BAZ2B: variants seen among roughly 807,000 people sequenced by gnomAD.
BAZ2B encodes the protein bromodomain adjacent to zinc finger domain 2B.
Under a neutral mutation model 246.0 loss-of-function variants are expected in BAZ2B, and 91 were observed. The observed-to-expected ratio is 0.37, with a 90% CI of 0.31 to 0.44. The LOEUF (loss-of-function observed/expected upper bound fraction) is 0.44, where lower values mean the gene tolerates loss of function less well. BAZ2B is among the 20% of genes least tolerant of loss of function. The pLI is 1.00. For synonymous variants in BAZ2B, 855 were observed against 860.0 expected, an observed-to-expected ratio of 0.99 and a Z score of 0.10; for missense variants, 2,332 against 2,533.7, an observed-to-expected ratio of 0.92 and a Z score of 1.71.
chr2:159,527,441 T>C (rs2084882627), intron 2 of BAZ2B, among the ~76,000 whole-genome samples: 1 of 150,626 alleles, frequency 6.6e-6, no homozygotes, highest in South Asian at 2.1e-4. Flanking sequence ...GCAAAGCAAA[T>C]GTTTTTAATT....
chr2:159,343,892 G>A (rs1280592235), intron 31 of BAZ2B, among the ~76,000 whole-genome samples: 1 of 151,820 alleles, frequency 6.6e-6, no homozygotes, highest in Non-Finnish European at 1.5e-5. Flanking sequence ...TGGGTGTGGT[G>A]GTGGGCGCCT....
chr2:159,654,343 T>C, the BAZ2B span, among the ~76,000 whole-genome samples: 2 of 152,222 alleles, frequency 1.3e-5, no homozygotes, highest in African/African-American at 4.8e-5. Flanking sequence ...ATATATATGT[T>C]GGTAGTAGAC....
At chr2:159,614,567 G>A (rs1461917700) in intron 1 of BAZ2B, among the ~76,000 whole-genome samples, 2 of 151,786 alleles carry the variant, frequency 1.3e-5, no homozygotes, top group African/African-American at 4.8e-5. Context: ...ATAAGGGAGA[G>A]TGGAGCAAAT....
At chr2:159,677,022 A>G in the BAZ2B span, among the ~76,000 whole-genome samples, 1 of 146,320 alleles carries the variant, frequency 6.8e-6, no homozygotes, top group African/African-American at 2.5e-5. Context: ...TGAGTTGTCA[A>G]TTAAAATAAA....
intron 36 of BAZ2B, among the ~76,000 whole-genome samples, chr2:159,323,541 G>A (rs1052727533): frequency 1.3e-5 from 2 of 151,674 alleles, no homozygotes; most frequent in African/African-American, 2.4e-5. Flanking sequence ...GGTGGTTCAC[G>A]CCTGTAATCC....
chr2:159,554,601 CA>C (rs953084173), intron 2 of BAZ2B, among the ~76,000 whole-genome samples: 136 of 143,652 alleles, frequency 9.5e-4, no homozygotes, highest in African/African-American at 2.7e-3. Context: ...AACCAGTTTT[CA>C]AAAAAAAAAG....
At chr2:159,564,582 T>C (rs2090181101) in intron 1 of BAZ2B, among the ~76,000 whole-genome samples, 2 of 152,156 alleles carry the variant, frequency 1.3e-5, no homozygotes, top group African/African-American at 4.8e-5. Flanking sequence ...GATATTTGAT[T>C]GCTGATGACT....
At chr2:159,358,988 G>A (rs2059401719) in intron 27 of BAZ2B, among the ~76,000 whole-genome samples, 4 of 152,208 alleles carry the variant, frequency 2.6e-5, no homozygotes, top group Non-Finnish European at 5.9e-5. Flanking sequence ...AGCACTAAAT[G>A]CCTGCAACAG....
At chr2:159,660,428 G>A in the BAZ2B span, among the ~76,000 whole-genome samples, 8 of 152,078 alleles carry the variant, frequency 5.3e-5, no homozygotes, top group Non-Finnish European at 1.2e-4. Flanking sequence ...ATTAATCTGT[G>A]ACTTCTTCTG....
chr2:159,701,104 C>G, the BAZ2B span, among the ~76,000 whole-genome samples: 1 of 152,086 alleles, frequency 6.6e-6, no homozygotes, highest in Non-Finnish European at 1.5e-5. Context: ...AATGCTTGGT[C>G]TCTCATAAAA....
chr2:159,428,272 T>C (rs2070373116), intron 12 of BAZ2B, 39 bp downstream of exon 12: 1 of 1,524,770 alleles, frequency 6.6e-7, no homozygotes, highest in East Asian at 2.3e-5. Context: ...TCATGCTTAA[T>C]AGGCACCAAA....
intron 6 of BAZ2B, among the ~76,000 whole-genome samples, chr2:159,441,644 T>A (rs977084241): frequency 1.4e-5 from 2 of 140,702 alleles, no homozygotes; most frequent in African/African-American, 4.9e-5. Context: ...ACAAATTTTT[T>A]AAATTTAAAA....
intron 1 of BAZ2B, among the ~76,000 whole-genome samples, chr2:159,569,271 A>G (rs561507965): frequency 6.6e-6 from 1 of 152,210 alleles, no homozygotes; most frequent in Admixed American, 6.5e-5. Flanking sequence ...ATGGCTACCC[A>G]CAGTCTCTGA....
At chr2:159,486,270 G>C (rs1200823538) in intron 2 of BAZ2B, among the ~76,000 whole-genome samples, 3 of 151,900 alleles carry the variant, frequency 2.0e-5, no homozygotes, top group Non-Finnish European at 4.4e-5. Context: ...CTAAAACTTT[G>C]CTTAACTAAG....
At chr2:159,519,224 T>TC (rs1390248397) in intron 2 of BAZ2B, among the ~76,000 whole-genome samples, 863 of 45,632 alleles carry the variant, frequency 0.019, 9 homozygotes, top group African/African-American at 0.059. Context: ...TTTTTTTTTT[T>TC]TTTTTTTTTT....
chr2:159,643,232 A>G, the BAZ2B span, among the ~76,000 whole-genome samples: 5 of 152,124 alleles, frequency 3.3e-5, no homozygotes, highest in Non-Finnish European at 7.4e-5. Flanking sequence ...TTTTTTTCTT[A>G]TAGTTCTAAA....
the BAZ2B span, among the ~76,000 whole-genome samples, chr2:159,634,280 A>G: frequency 6.6e-6 from 1 of 152,184 alleles, no homozygotes; most frequent in Non-Finnish European, 1.5e-5. Flanking sequence ...ATTTTTAGAA[A>G]ACTTTTTTGA....
chr2:159,497,314 A>G (rs902075746), intron 2 of BAZ2B, among the ~76,000 whole-genome samples: 1 of 152,228 alleles, frequency 6.6e-6, no homozygotes, highest in Non-Finnish European at 1.5e-5. Flanking sequence ...CAGTTTTCAT[A>G]AAAGTTCCAC....
intron 3 of BAZ2B, among the ~76,000 whole-genome samples, chr2:159,474,595 C>T (rs2150857125): frequency 6.6e-6 from 1 of 152,248 alleles, no homozygotes; most frequent in South Asian, 2.1e-4. Flanking sequence ...TTCATCCTGT[C>T]ATTATGACGC....
Sources: allele counts gnomAD v4.1 joint callset (sites outside exome capture counted in the v4.1 genomes callset), GRCh38; gene constraint gnomAD v4.1.1; transcripts MANE v1.5; gene names NCBI Gene and HGNC (gene_info 2026-07-23, HGNC 2026-07-21).